RGPD2: variants seen among roughly 807,000 people sequenced by gnomAD.
RGPD2 encodes RANBP2-like and GRIP domain-containing protein 2.
In RGPD2, 2 loss-of-function variants were observed where a neutral mutation model predicts 36.0. That is an observed-to-expected ratio of 0.06 (90% CI 0.02 to 0.17). The LOEUF is 0.17. Ranked by LOEUF, RGPD2 falls within the 10% of genes least tolerant of loss-of-function variation. RGPD2 has a pLI of 1.00. For synonymous variants in RGPD2, 19 were observed against 163.8 expected, an observed-to-expected ratio of 0.12 and a Z score of 6.75; for missense variants, 40 against 464.3, an observed-to-expected ratio of 0.09 and a Z score of 8.40.
the RGPD2 span, among the ~76,000 whole-genome samples, chr2:87,883,310 A>C: frequency 1.3e-5 from 2 of 152,144 alleles, no homozygotes; most frequent in African/African-American, 4.8e-5. Context: ...ATATTTTATA[A>C]CAAAACACAA....
chr2:87,879,099 A>G, the RGPD2 span, among the ~76,000 whole-genome samples: 1 of 152,222 alleles, frequency 6.6e-6, no homozygotes, highest in Non-Finnish European at 1.5e-5. Context: ...TATACATAGT[A>G]GTGGAATTTT....
the RGPD2 span, among the ~76,000 whole-genome samples, chr2:87,886,872 T>G: frequency 1.3e-5 from 2 of 151,934 alleles, no homozygotes; most frequent in Non-Finnish European, 2.9e-5. Context: ...ATTTTTCAAA[T>G]GAGAAACTAC....
the RGPD2 span, among the ~76,000 whole-genome samples, chr2:87,854,150 C>T: frequency 6.2e-5 from 8 of 128,998 alleles, no homozygotes; most frequent in Non-Finnish European, 9.7e-5. Flanking sequence ...CACTGTTGCC[C>T]AGGGCTGGAG....
At chr2:87,915,424 TG>T in the RGPD2 span, among the ~76,000 whole-genome samples, 3 of 141,590 alleles carry the variant, frequency 2.1e-5, no homozygotes, top group Non-Finnish European at 3.0e-5. Context: ...TATATGTATA[TG>T]TATATATGTA....
intron 20 of RGPD2, among the ~76,000 whole-genome samples, chr2:87,781,456 GT>G (rs947473930): frequency 7.2e-5 from 8 of 111,006 alleles, no homozygotes; most frequent in African/African-American, 1.7e-4. Context: ...GGTTTTTTTT[GT>G]TTTTTTGTTT....
At chr2:87,830,624 A>G (rs1216787707), upstream of RGPD2, among the ~76,000 whole-genome samples, 4 of 152,204 alleles carry the variant, frequency 2.6e-5, no homozygotes, top group East Asian at 5.8e-4. Context: ...TGAAGAAATA[A>G]CAAGACTGGG....
chr2:87,825,647 G>A lies in RGPD2; in HGVS notation c.72+11C>T, dbSNP rs962686821. ...AGGTCGAGGCCGTCGGTCTCTTCGAGATCCACTCACCTTTCCAGGCGACGG... is the reference window on the plus strand; with the variant it reads ...AGGTCGAGGCCGTCGGTCTCTTCGAAATCCACTCACCTTTCCAGGCGACGG... On this transcript the variant is annotated intron_variant, in intron 1 of 22. Coordinates refer to ENST00000398146, the MANE Select transcript of RGPD2 (RefSeq NM_001078170.3). 14 of 1,566,744 alleles carry A rather than the reference G, an allele frequency of 8.9e-6. No homozygotes were observed. The African/African-American group carries it at 1.9e-4, about 22-fold the overall frequency.
chr2:87,781,338 TCTGA>T (rs1321119464), intron 20 of RGPD2: 20 of 116,872 alleles, frequency 1.7e-4, no homozygotes, highest in Admixed American at 3.7e-4. Flanking sequence ...ATACCACCAA[TCTGA>T]CTGTCTTACA....
the RGPD2 span, among the ~76,000 whole-genome samples, chr2:87,915,402 A>ATATATATTGTATATATATATGTATAT: frequency 1.4e-5 from 2 of 141,142 alleles, 1 homozygote; most frequent in South Asian, 4.3e-4. Context: ...TATGTATATT[A>ATATATATTGTATATATATATGTATAT]TATATATTGT....
upstream of RGPD2, among the ~76,000 whole-genome samples, chr2:87,827,299 G>C (rs1486423232): frequency 6.6e-6 from 1 of 152,282 alleles, no homozygotes; most frequent in Non-Finnish European, 1.5e-5. Context: ...TAGTAACAAA[G>C]ATAATTTTGT....
chr2:87,876,160 C>T, the RGPD2 span, among the ~76,000 whole-genome samples: 1 of 150,854 alleles, frequency 6.6e-6, no homozygotes, highest in South Asian at 2.1e-4. Flanking sequence ...CTTAAAAAAA[C>T]AGCTTCTGGA....
chr2:87,985,778 AC>A, the RGPD2 span: 4 of 1,610,844 alleles, frequency 2.5e-6, no homozygotes, highest in Non-Finnish European at 3.4e-6. Flanking sequence ...CGTTCATGAG[AC>A]AAGTCACAAA....
the RGPD2 span, among the ~76,000 whole-genome samples, chr2:87,905,814 AATTC>A: frequency 3.8e-5 from 4 of 105,416 alleles, no homozygotes; most frequent in African/African-American, 1.3e-4. Flanking sequence ...TTATTTATAT[AATTC>A]ATTCATTTAA....
At chr2:87,919,608 AT>A in the RGPD2 span, among the ~76,000 whole-genome samples, 2 of 148,774 alleles carry the variant, frequency 1.3e-5, no homozygotes, top group Admixed American at 1.3e-4. Context: ...AAGAAAACAA[AT>A]TTAAAAATAG....
At chr2:87,903,644 A>G in the RGPD2 span, among the ~76,000 whole-genome samples, 2 of 147,942 alleles carry the variant, frequency 1.4e-5, no homozygotes, top group Non-Finnish European at 3.0e-5. Flanking sequence ...AACCTTTCTC[A>G]GTGTAGTATT....
the RGPD2 span, among the ~76,000 whole-genome samples, chr2:87,839,232 C>A: frequency 6.6e-6 from 1 of 152,200 alleles, no homozygotes; most frequent in South Asian, 2.1e-4. Flanking sequence ...ACAGACACTT[C>A]TCAAAAGAAG....
In RGPD2 at chr2:87,815,163, G is replaced by C. The variant is rs575718778; in HGVS notation, c.402+1106C>G. Among the ~76,000 whole-genome samples, 12 of 147,856 alleles carry C rather than the reference G, an allele frequency of 8.1e-5. No individual in the cohort carries two copies. The South Asian group carries it at 2.3e-3, about 28-fold the overall frequency. ...AAAGAAAACTATATACATACACATT[G>C]TACCAATGTCAAAATTCCTGATTTT... On this transcript the variant is annotated intron_variant, in intron 4 of 22. Transcript: ENST00000398146.
At chr2:87,988,541 A>AT in the RGPD2 span, among the ~76,000 whole-genome samples, 331 of 54,130 alleles carry the variant, frequency 6.1e-3, 12 homozygotes, top group African/African-American at 0.013. Context: ...ATATATATAT[A>AT]TTTTTTTTTT....
chr2:87,915,005 GGCATGGTGGC>G, the RGPD2 span, among the ~76,000 whole-genome samples: 1 of 151,920 alleles, frequency 6.6e-6, no homozygotes, highest in Non-Finnish European at 1.5e-5. Flanking sequence ...AAATTAGCGA[GGCATGGTGGC>G]GCATGCCTGT....
Sources: gnomAD v4.1 joint callset for allele counts (sites outside exome capture counted in the v4.1 genomes callset) on GRCh38, gnomAD v4.1.1 for gene constraint, MANE v1.5 for transcripts, NCBI Gene and HGNC (gene_info 2026-07-23, HGNC 2026-07-21) for gene names.